Variants in MEP1A observed in about 807,000 individuals in gnomAD.
The protein encoded by MEP1A is meprin A subunit alpha.
In MEP1A, 68 loss-of-function variants were observed where a neutral mutation model predicts 84.5. The observed-to-expected ratio is 0.80, with a 90% CI of 0.66 to 0.98. MEP1A has a LOEUF of 0.98. Ranked by LOEUF, MEP1A falls within the 50% of genes least tolerant of loss-of-function variation. MEP1A has a pLI of 0.00. For synonymous variants in MEP1A, 337 were observed against 336.8 expected, an observed-to-expected ratio of 1.00 and a Z score of -0.01; for missense variants, 887 against 919.9, an observed-to-expected ratio of 0.96 and a Z score of 0.46.
chr6:46,806,912 A>G (rs1767338918), intron 5 of MEP1A, among the ~76,000 whole-genome samples: 1 of 151,832 alleles, frequency 6.6e-6, no homozygotes, highest in African/African-American at 2.4e-5. Context: ...ACCCAATGAA[A>G]TTTTCCTTCT....
At chr6:46,796,383 C>T (rs1168773155) in intron 3 of MEP1A, among the ~76,000 whole-genome samples, 1 of 152,182 alleles carries the variant, frequency 6.6e-6, no homozygotes, top group African/African-American at 2.4e-5. Context: ...AATGCCACCT[C>T]CTGTGGGAGG....
In MEP1A at chr6:46,833,297, C is replaced by A; in HGVS notation, c.1368C>A (p.Ser456Arg). ...ENTSKGDKLQ[S>R]PRFYNSEGYG... is the part of the protein sequence containing the mutation. Reference sequence around the variant, plus strand: ...CCAGCAAAGGGGACAAGCTTCAGAGCCCTCGATTCTACAATTCGGAGGGAT... The same window carrying A: ...CCAGCAAAGGGGACAAGCTTCAGAGACCTCGATTCTACAATTCGGAGGGAT... Residue 456 changes from serine to arginine, a missense_variant, in exon 11 of 14, where the codon AGC becomes AGA. Coordinates refer to ENST00000230588, the MANE Select transcript of MEP1A (RefSeq NM_005588.3). 6.2e-7 allele frequency: 1 copy of A among 1,614,170 alleles called. No individual in the cohort carries two copies. The highest frequency in any genetic ancestry group is 8.5e-7 in the Non-Finnish European group (1 of 1,180,004).
At chr6:46,797,869 CCTTTCCTTCCTT>C (rs1767092624) in intron 3 of MEP1A, among the ~76,000 whole-genome samples, 1 of 113,760 alleles carries the variant, frequency 8.8e-6, no homozygotes, top group Non-Finnish European at 1.8e-5. Context: ...TTACTTTCTA[CCTTTCCTTCCTT>C]CCTTCCTTCC....
At chr6:46,834,038 G>A (rs1025233935) in intron 11 of MEP1A, among the ~76,000 whole-genome samples, 3 of 150,194 alleles carry the variant, frequency 2.0e-5, no homozygotes, top group Admixed American at 6.6e-5. Context: ...ATGTAATGGC[G>A]CATTCTCGGC....
chr6:46,830,417 A>G (rs1768053129), intron 10 of MEP1A, among the ~76,000 whole-genome samples: 1 of 152,142 alleles, frequency 6.6e-6, no homozygotes, highest in Non-Finnish European at 1.5e-5. Context: ...ATAATCACTA[A>G]CATGTTCCTA....
At chr6:46,802,261 G>A (rs1767212269) in intron 5 of MEP1A, among the ~76,000 whole-genome samples, 2 of 151,744 alleles carry the variant, frequency 1.3e-5, no homozygotes, top group African/African-American at 2.4e-5. Context: ...TATCTAATCC[G>A]TGTTTTATAA....
chr6:46,843,786 G>T (rs1350679464), downstream of MEP1A, among the ~76,000 whole-genome samples: 1 of 152,130 alleles, frequency 6.6e-6, no homozygotes, highest in East Asian at 1.9e-4. Context: ...TATATCATCT[G>T]TTTTATGGCT....
At position 46,809,491 on chromosome 6, in the gene MEP1A, C is replaced by T; in HGVS notation, c.334C>T (p.Pro112Ser). The change falls in exon 6 of 14, where the codon CCC becomes TCC. Residue 112 changes from proline (P) to serine (S), a missense_variant. Coordinates refer to ENST00000230588, the MANE Select transcript of MEP1A (RefSeq NM_005588.3). ...FRLKSCVDFK[P>S]YEGESSYIIF... The stretch of plus-strand genomic sequence containing the variant: ...TCTCAAGTCCTGTGTGGATTTCAAG[C>T]CCTATGAAGGAGAGAGCTCATATAT... The T allele has an allele frequency of 2.5e-6, 4 of 1,610,148 alleles. No homozygotes were observed. Among genetic ancestry groups the T allele is most frequent in the Non-Finnish European group, 3.4e-6 (4 of 1,177,634 alleles).
chr6:46,830,675 A>AT (rs1371808550), intron 10 of MEP1A, among the ~76,000 whole-genome samples: 2 of 152,170 alleles, frequency 1.3e-5, no homozygotes, highest in Non-Finnish European at 2.9e-5. Flanking sequence ...GAAAGGAATT[A>AT]TTTTTTATAT....
At chr6:46,820,540 C>T (rs1413782371) in intron 7 of MEP1A, among the ~76,000 whole-genome samples, 1 of 152,120 alleles carries the variant, frequency 6.6e-6, no homozygotes, top group African/African-American at 2.4e-5. Context: ...GTGTGTGTCA[C>T]CATGCCTGGC....
chr6:46,801,533 T>A (rs1767197491), intron 5 of MEP1A, among the ~76,000 whole-genome samples: 1 of 152,114 alleles, frequency 6.6e-6, no homozygotes, highest in African/African-American at 2.4e-5. Context: ...GATATATGTA[T>A]TATAAATATT....
chr6:46,807,596 GGAAGGAAGGAAGGAAGGAAGGAAGGAAA>G (rs796228381), intron 5 of MEP1A, among the ~76,000 whole-genome samples: 1,509 of 98,660 alleles, frequency 0.015, 44 homozygotes, highest in African/African-American at 0.03. Flanking sequence ...AAGGAAGGAA[GGAAGGAAGGAAGGAAGGAAGGAAGGAAA>G]GAAGGAAGGA....
chr6:46,843,825 A>C (rs1294369328), downstream of MEP1A, among the ~76,000 whole-genome samples: 1 of 152,132 alleles, frequency 6.6e-6, no homozygotes, highest in Non-Finnish European at 1.5e-5. Context: ...TCTGAAGTCC[A>C]CCTCTTGTAT....
At chr6:46,840,880 G>C (rs765728534), downstream of MEP1A, among the ~76,000 whole-genome samples, 1 of 152,152 alleles carries the variant, frequency 6.6e-6, no homozygotes, top group Admixed American at 6.6e-5. Context: ...TTTGTTTCTC[G>C]CTGTGCTTCA....
At chr6:46,825,563 C>T in intron 8 of MEP1A, 70 bp downstream of exon 8, 1 of 1,077,148 alleles carries the variant, frequency 9.3e-7, no homozygotes, top group Non-Finnish European at 1.3e-6. Flanking sequence ...TTAGAGATTT[C>T]CTTTACATTT....
chr6:46,799,661 C>G (rs1024018635), intron 5 of MEP1A, among the ~76,000 whole-genome samples: 1 of 152,130 alleles, frequency 6.6e-6, no homozygotes, highest in African/African-American at 2.4e-5. Context: ...CTACTCTTTT[C>G]TCTCTCTTAA....
chr6:46,809,652 AC>A (rs1767445876), intron 6 of MEP1A, 115 bp downstream of exon 6: 1 of 631,564 alleles, frequency 1.6e-6, no homozygotes, highest in African/African-American at 1.9e-5. Context: ...CGTCCTCATA[AC>A]TTAGCTCCCA....
In MEP1A at chr6:46,833,305, T is replaced by C; in HGVS notation, c.1376T>C (p.Phe459Ser). The C allele has an allele frequency of 6.2e-7, 1 of 1,614,184 alleles. No homozygotes were observed. Residue 459 changes from phenylalanine (F) to serine (S), a missense_variant, in exon 11 of 14, where the codon TTC becomes TCC. By Grantham distance (155) the Phe-to-Ser change is radical. Transcript: ENST00000230588. The stretch of plus-strand genomic sequence containing the variant: ...GGGGACAAGCTTCAGAGCCCTCGAT[T>C]CTACAATTCGGAGGGATATGGTTTT... ...SKGDKLQSPR[F>S]YNSEGYGFGV... is the part of the protein sequence containing the mutation.
At chr6:46,816,431 G>A (rs999783439) in intron 6 of MEP1A, among the ~76,000 whole-genome samples, 1 of 152,062 alleles carries the variant, frequency 6.6e-6, no homozygotes, top group African/African-American at 2.4e-5. Flanking sequence ...GAGTGTCCTG[G>A]GTTGCAGCAG....
Sources: gnomAD v4.1 joint callset for allele counts (sites outside exome capture counted in the v4.1 genomes callset) on GRCh38, gnomAD v4.1.1 for gene constraint, MANE v1.5 for transcripts, NCBI Gene and HGNC (gene_info 2026-07-23, HGNC 2026-07-21) for gene names.